SATB1: variants seen among roughly 807,000 people sequenced by gnomAD.
SATB1 encodes DNA-binding protein SATB1.
Under a neutral mutation model 86.9 loss-of-function variants are expected in SATB1, and 11 were observed. The observed-to-expected ratio is 0.13, with a 90% CI of 0.08 to 0.21. The LOEUF (loss-of-function observed/expected upper bound fraction) is 0.21, where lower values mean the gene tolerates loss of function less well. Ranked by LOEUF, SATB1 falls within the 10% of genes least tolerant of loss-of-function variation. The pLI, the probability that SATB1 is intolerant of heterozygous loss-of-function variation, is 1.00. For missense variants in SATB1, 551 were observed against 937.6 expected (o/e 0.59, Z 5.39); for synonymous variants, 357 against 357.2 (o/e 1.00, Z 0.01).
intron 9 of SATB1, among the ~76,000 whole-genome samples, chr3:18,374,188 C>T (rs1421952587): frequency 3.9e-5 from 6 of 152,262 alleles, no homozygotes; most frequent in East Asian, 3.9e-4. Flanking sequence ...GCTGGACACA[C>T]ACCTTAAGTC....
At chr3:18,351,112 G>C (rs1326805764) in intron 10 of SATB1, 1 of 577,804 alleles carries the variant, frequency 1.7e-6, no homozygotes, top group East Asian at 3.0e-5. Context: ...TCACAGAAGA[G>C]TGTCTTCAGG....
intron 2 of SATB1, among the ~76,000 whole-genome samples, chr3:18,418,346 C>T (rs755265352): frequency 9.9e-5 from 15 of 152,090 alleles, no homozygotes; most frequent in Non-Finnish European, 1.9e-4. Context: ...GAACAAAAGC[C>T]GGCAATAAAA....
intron 5 of SATB1, among the ~76,000 whole-genome samples, chr3:18,403,139 T>C (rs1037432586): frequency 2.0e-5 from 3 of 152,086 alleles, no homozygotes; most frequent in African/African-American, 7.2e-5. Flanking sequence ...TGTATAAAAA[T>C]GATTCTTTTA....
At chr3:18,425,450 G>C (rs866286590), upstream of SATB1, 1 of 146,446 alleles carries the variant, frequency 6.8e-6, no homozygotes, top group Non-Finnish European at 1.5e-5. Flanking sequence ...GGAGCGGGCG[G>C]AAAAGGGATG....
At chr3:18,441,012 A>G (rs1348838424), upstream of SATB1, among the ~76,000 whole-genome samples, 1 of 152,166 alleles carries the variant, frequency 6.6e-6, no homozygotes, top group African/African-American at 2.4e-5. Context: ...CACCTTTAAT[A>G]TTTTGCAGCC....
At chr3:18,375,350 T>C (rs1018704862) in intron 9 of SATB1, among the ~76,000 whole-genome samples, 1 of 152,128 alleles carries the variant, frequency 6.6e-6, no homozygotes, top group African/African-American at 2.4e-5. Flanking sequence ...AGATAATCTA[T>C]AATGCATGAT....
rs1164704579 is a variant in SATB1 at position 18,394,010 on chromosome 3, C to CAACAAT, written c.1206+451_1206+452insATTGTT. 6.6e-6 allele frequency among the ~76,000 whole-genome samples: 1 copy of CAACAAT among 152,050 alleles called. No individual in the cohort carries two copies. The highest frequency in any genetic ancestry group is 1.9e-4 in the East Asian group (1 of 5,168). ...CAACAAACAACAACAACAACAACAA[C>CAACAAT]GCTGCAGTAGAACTTTAAGAGGGAA... On this transcript the variant is annotated intron_variant, in intron 7 of 10. Transcript: ENST00000338745. This position sits in a 1 kb window ranked among gnomAD's most constrained non-coding sequence, Gnocchi z 5.9.
intron 9 of SATB1, among the ~76,000 whole-genome samples, chr3:18,362,001 A>G (rs923230938): frequency 2.0e-5 from 3 of 152,110 alleles, no homozygotes; most frequent in African/African-American, 7.2e-5. Context: ...TACTTTTTCT[A>G]TAGTAGCTAG....
intron 9 of SATB1, 148 bp downstream of exon 9, chr3:18,378,022 T>C: frequency 1.5e-6 from 1 of 683,266 alleles, no homozygotes. Flanking sequence ...TGAATTTGAA[T>C]ATTGTTTCAT....
intron 9 of SATB1, among the ~76,000 whole-genome samples, chr3:18,372,398 T>G (rs1182547532): frequency 6.6e-6 from 1 of 152,228 alleles, no homozygotes; most frequent in Non-Finnish European, 1.5e-5. Flanking sequence ...TTCAGTTAAT[T>G]CTAAATTTAT....
chr3:18,351,853 G>C (rs962536980), intron 10 of SATB1, 139 bp downstream of exon 10: 1 of 742,044 alleles, frequency 1.3e-6, no homozygotes, highest in Non-Finnish European at 2.3e-6. Flanking sequence ...ATCCCCCTGA[G>C]CAAGATGGCA....
intron 7 of SATB1, among the ~76,000 whole-genome samples, chr3:18,387,790 A>G (rs1438357413): frequency 6.6e-6 from 1 of 152,166 alleles, no homozygotes. Flanking sequence ...TTAAAGGTAT[A>G]TTGGGGGAAG....
rs142767600 is a variant in SATB1, at chr3:18,416,224, T to C, written c.389-91A>G. 564 of 958,116 alleles carry C rather than the reference T, an allele frequency of 5.9e-4. 1 individual carries two copies. In the African/African-American group the frequency reaches 7.6e-3, roughly 13 times the overall value. The allele number at this position is 958,116 out of a possible 1,614,324, so 59.4% of individuals were successfully genotyped here. On this transcript the variant is annotated intron_variant, in intron 3 of 10. Transcript: ENST00000338745. ...GTGTTCTTTTCTTTTCTACTACCCC[T>C]ACCACAAGCAGTACCGTTATTTCTG...
In SATB1 at chr3:18,386,578, C is replaced by T; in HGVS notation, c.1240G>A (p.Asp414Asn). Residue 414 changes from aspartate to asparagine, a missense_variant, in exon 8 of 11, where the codon GAC becomes AAC. Around this residue, in one of 8 missense-constraint regions of SATB1, gnomAD observed 110 missense variants for 212.2 expected, o/e 0.52. Coordinates refer to ENST00000338745, the MANE Select transcript of SATB1 (RefSeq NM_002971.6). The surrounding 1 kb of genome is among the most constrained non-coding windows in gnomAD (Gnocchi z 4.5). ...AAAGACTGGGATGCAGTCTTGGGGT[C>T]CTCTTCCTTTCGGAGGATTTCTGAA... ...LLSEILRKEE[D>N]PKTASQSLLV... 1 of 1,614,068 alleles carries T rather than the reference C, an allele frequency of 6.2e-7. No individual in the cohort carries two copies. Among genetic ancestry groups the T allele is most frequent in the Non-Finnish European group, 8.5e-7 (1 of 1,179,976 alleles).
exon 1 of SATB1, chr3:18,438,639 GAC>G (rs1240455253): frequency 6.6e-6 from 1 of 152,222 alleles, no homozygotes; most frequent in Non-Finnish European, 1.5e-5. Flanking sequence ...TTGATGAGGT[GAC>G]AATGATGAAG....
intron 8 of SATB1, among the ~76,000 whole-genome samples, chr3:18,385,195 T>C (rs781476421): frequency 2.0e-5 from 3 of 152,226 alleles, no homozygotes; most frequent in African/African-American, 4.8e-5. Context: ...GAGAATGAAG[T>C]AAAATCGAGA....
chr3:18,417,312 G>C (rs944425860), intron 2 of SATB1: 6 of 576,426 alleles, frequency 1.0e-5, no homozygotes, highest in Non-Finnish European at 1.8e-5. Flanking sequence ...CCTAAGGTAA[G>C]CTGTGCTCTA....
intron 9 of SATB1, among the ~76,000 whole-genome samples, chr3:18,371,059 T>C (rs1695456870): frequency 6.6e-6 from 1 of 152,174 alleles, no homozygotes; most frequent in Admixed American, 6.5e-5. Context: ...CTGCCTATGA[T>C]CTGATTTACG....
At chr3:18,431,095 T>C (rs1299383699) in intron 2 of SATB1, among the ~76,000 whole-genome samples, 2 of 152,140 alleles carry the variant, frequency 1.3e-5, no homozygotes, top group Non-Finnish European at 2.9e-5. Context: ...GGCACGGTGG[T>C]AATAATTCCA....
Sources: allele counts gnomAD v4.1 joint callset (sites outside exome capture counted in the v4.1 genomes callset), GRCh38; gene constraint gnomAD v4.1.1; regional missense constraint gnomAD v4.1.1; non-coding constraint Gnocchi (gnomAD v3.1); transcripts MANE v1.5; gene names NCBI Gene and HGNC (gene_info 2026-07-23, HGNC 2026-07-21).